The following MAST4 variants were observed in gnomAD, a reference collection of about 807,000 sequenced individuals.
MAST4 encodes the protein microtubule associated serine/threonine kinase family member 4, also known as microtubule-associated serine/threonine-protein kinase 4.
Under a neutral mutation model 162.7 loss-of-function variants are expected in MAST4, and 89 were observed. That is an observed-to-expected ratio of 0.55 (90% confidence interval 0.46 to 0.65). The LOEUF is 0.65. MAST4 is among the 30% of genes least tolerant of loss of function. The probability of loss-of-function intolerance (pLI) is 0.00; values close to 1 mark genes in which losing one functional copy is unlikely to be tolerated. For missense variants in MAST4, 3,153 were observed against 3,374.0 expected, an observed-to-expected ratio of 0.93 and a Z score of 1.62; for synonymous variants, 1,479 against 1,361.1, an observed-to-expected ratio of 1.09 and a Z score of -1.91.
chr5:67,146,147 A>C (rs994608442), intron 23 of MAST4, among the ~76,000 whole-genome samples: 1 of 152,222 alleles, frequency 6.6e-6, no homozygotes, highest in East Asian at 1.9e-4. Flanking sequence ...AACTCCTGAG[A>C]CATCTTTGCA....
chr5:67,021,013 T>C (rs112838658), intron 4 of MAST4, among the ~76,000 whole-genome samples: 266 of 152,342 alleles, frequency 1.7e-3, no homozygotes, highest in African/African-American at 6.2e-3. Flanking sequence ...TTTGCCAACC[T>C]CTTACCTAGG....
chr5:66,679,395 C>G (rs1415474955), intron 1 of MAST4, among the ~76,000 whole-genome samples: 1 of 152,174 alleles, frequency 6.6e-6, no homozygotes, highest in Non-Finnish European at 1.5e-5. Context: ...ACCTTGTGCT[C>G]AGAGAGACAT....
At chr5:66,993,153 T>G (rs1007119471) in intron 4 of MAST4, among the ~76,000 whole-genome samples, 1 of 152,240 alleles carries the variant, frequency 6.6e-6, no homozygotes, top group African/African-American at 2.4e-5. Flanking sequence ...TTGATCATTT[T>G]ATTACTCATT....
chr5:66,738,325 C>G (rs957678095), intron 1 of MAST4: 5 of 152,446 alleles, frequency 3.3e-5, no homozygotes, highest in Admixed American at 3.3e-4. Flanking sequence ...CACACCCTGC[C>G]TTTTCTCACA....
chr5:66,919,115 C>A (rs574684226), intron 4 of MAST4, among the ~76,000 whole-genome samples: 2 of 142,808 alleles, frequency 1.4e-5, no homozygotes, highest in African/African-American at 4.9e-5. Context: ...CACACACACA[C>A]ACACACACAC....
intron 3 of MAST4, among the ~76,000 whole-genome samples, chr5:66,896,651 A>G (rs1046841410): frequency 6.6e-6 from 1 of 152,250 alleles, no homozygotes; most frequent in Non-Finnish European, 1.5e-5. Context: ...TTGTTTGTCT[A>G]TGAATAGCTG....
At chr5:66,783,170 A>G (rs1364857399) in intron 2 of MAST4, among the ~76,000 whole-genome samples, 2 of 152,236 alleles carry the variant, frequency 1.3e-5, no homozygotes, top group Non-Finnish European at 2.9e-5. Flanking sequence ...CATTATAGGC[A>G]TTTCATTGTA....
intron 4 of MAST4, chr5:66,902,607 A>G (rs1763082086): frequency 2.4e-6 from 1 of 418,704 alleles, no homozygotes; most frequent in South Asian, 1.8e-5. Flanking sequence ...TTTAATGAGA[A>G]CTAACTTGAA....
chr5:66,907,214 T>G (rs1580834136), intron 4 of MAST4, among the ~76,000 whole-genome samples: 1 of 120,868 alleles, frequency 8.3e-6, no homozygotes, highest in Non-Finnish European at 1.7e-5. Context: ...AGAGTCCTGC[T>G]AGGAGGTTTC....
At chr5:66,981,895 C>T (rs1748890854) in intron 4 of MAST4, among the ~76,000 whole-genome samples, 1 of 152,194 alleles carries the variant, frequency 6.6e-6, no homozygotes, top group Non-Finnish European at 1.5e-5. Context: ...TTCTCACACA[C>T]AAACTCTTGA....
rs147201843 is a variant in MAST4, at chr5:66,702,074, G to A, written c.364-57635G>A. Among the ~76,000 whole-genome samples the A allele has an allele frequency of 7.9e-4, 121 of 152,238 alleles. 1 individual carries two copies. Among genetic ancestry groups the A allele is most frequent in the African/African-American group, 2.8e-3 (117 of 41,536 alleles). On this transcript the variant is annotated intron_variant, in intron 1 of 28. Transcript: ENST00000403625. Reference sequence around the variant, plus strand: ...AGTCCTGAGTGAGTGCTGCTCCCAGGAGCAGACTTTGAAGTTTCATGATAG... The same window carrying A: ...AGTCCTGAGTGAGTGCTGCTCCCAGAAGCAGACTTTGAAGTTTCATGATAG...
intron 4 of MAST4, among the ~76,000 whole-genome samples, chr5:66,944,440 G>C (rs6875644): frequency 0.077 from 11,772 of 152,130 alleles, 1,444 homozygotes; most frequent in African/African-American, 0.26. Flanking sequence ...TAAATTGAAA[G>C]TATATTAGCA....
At position 66,839,896 on chromosome 5, in the gene MAST4, ACT is replaced by A. The variant is rs555512554; in HGVS notation, c.642+51105_642+51106del. On this transcript the variant is annotated intron_variant, in intron 3 of 28. Transcript: ENST00000403625. ...TGTACATTTTTATCAGTTTTCTTGCACTCTGTTTCCAGTTTCTTTGTGCATGT... is the reference window on the plus strand; with the variant it reads ...TGTACATTTTTATCAGTTTTCTTGCACTGTTTCCAGTTTCTTTGTGCATGT... Among the ~76,000 whole-genome samples, 269 of 150,316 alleles carry A rather than the reference ACT, an allele frequency of 1.8e-3. 1 individual carries two copies. The highest frequency in any genetic ancestry group is 6.2e-3 in the African/African-American group (256 of 41,162).
intron 1 of MAST4, among the ~76,000 whole-genome samples, chr5:66,625,064 G>T (rs895771759): frequency 6.6e-6 from 1 of 152,130 alleles, no homozygotes; most frequent in Non-Finnish European, 1.5e-5. Flanking sequence ...CAAAGCTCTA[G>T]AGCATGACCT....
chr5:67,067,810 A>C (rs1760429951), intron 5 of MAST4, among the ~76,000 whole-genome samples: 1 of 152,206 alleles, frequency 6.6e-6, no homozygotes, highest in Non-Finnish European at 1.5e-5. Flanking sequence ...GGCAAGGGTG[A>C]TCTGGTAATG....
intron 3 of MAST4, among the ~76,000 whole-genome samples, chr5:66,836,254 GCTGT>G (rs1757962763): frequency 6.6e-6 from 1 of 152,102 alleles, no homozygotes; most frequent in Admixed American, 6.6e-5. Flanking sequence ...AAAAGAGCAG[GCTGT>G]CTATGTAATG....
chr5:67,110,998 T>C (rs1279164461), intron 11 of MAST4, among the ~76,000 whole-genome samples: 1 of 152,208 alleles, frequency 6.6e-6, no homozygotes, highest in Admixed American at 6.5e-5. Context: ...CACTCCAGCC[T>C]GAGTGACAGA....
chr5:66,907,158 CGAGAGAGA>C (rs34963439), intron 4 of MAST4, among the ~76,000 whole-genome samples: 8,788 of 104,200 alleles, frequency 0.084, 349 homozygotes, highest in Middle Eastern at 0.15. Context: ...CTCAGCAAAG[CGAGAGAGA>C]GAGAGAGAGA....
intron 5 of MAST4, among the ~76,000 whole-genome samples, chr5:67,060,490 T>TTC (rs1335953148): frequency 6.7e-6 from 1 of 149,284 alleles, no homozygotes; most frequent in Non-Finnish European, 1.5e-5. Flanking sequence ...TTTTTTTTTT[T>TTC]TTTTTTTGAG....
Sources: allele counts gnomAD v4.1 joint callset (sites outside exome capture counted in the v4.1 genomes callset), GRCh38; gene constraint gnomAD v4.1.1; transcripts MANE v1.5; gene names NCBI Gene and HGNC (gene_info 2026-07-23, HGNC 2026-07-21).